ASTN2: variants seen among roughly 807,000 people sequenced by gnomAD.
The protein encoded by ASTN2 is astrotactin-2.
ASTN2 carries 54 observed loss-of-function variants against 139.8 expected under a neutral mutation model. The observed-to-expected ratio is 0.39, with a 90% CI of 0.31 to 0.48. The LOEUF (loss-of-function observed/expected upper bound fraction) is 0.48, where lower values mean the gene tolerates loss of function less well. Among genes scored for constraint, ASTN2 ranks in the 20% least tolerant of loss-of-function variants. ASTN2 has a pLI of 0.95. For missense variants in ASTN2, 1,565 were observed against 1,725.1 expected, an observed-to-expected ratio of 0.91 and a Z score of 1.64; for synonymous variants, 756 against 719.5, an observed-to-expected ratio of 1.05 and a Z score of -0.81.
At position 116,425,437 on chromosome 9, in the gene ASTN2, T is replaced by C; in HGVS notation, c.*414A>G. On this transcript the variant is annotated 3_prime_UTR_variant, in exon 23 of 23. Transcript: ENST00000313400. ...AGGTCAAAACTGTCTCCTCTAGGGGTCAGGTCAAAACTGTCCCTCCATAGG... is the reference window on the plus strand; with the variant it reads ...AGGTCAAAACTGTCTCCTCTAGGGGCCAGGTCAAAACTGTCCCTCCATAGG... 1.2e-6 allele frequency: 1 copy of C among 843,110 alleles called. No homozygotes were observed. Among genetic ancestry groups the C allele is most frequent in the Admixed American group, 2.7e-5 (1 of 37,318 alleles). The allele number at this position is 843,110 out of a possible 1,614,324, so 52.2% of individuals were successfully genotyped here. A position where few individuals can be genotyped will look rare whatever the true frequency, so the allele number is the denominator to read the frequency against.
At chr9:116,613,841 C>T (rs1855686966) in intron 19 of ASTN2, among the ~76,000 whole-genome samples, 1 of 152,164 alleles carries the variant, frequency 6.6e-6, no homozygotes, top group South Asian at 2.1e-4. Context: ...TCTCTCACCA[C>T]TCCTATTCAA....
At chr9:117,107,020 G>T (rs1054793482) in intron 4 of ASTN2, among the ~76,000 whole-genome samples, 2 of 152,020 alleles carry the variant, frequency 1.3e-5, no homozygotes, top group African/African-American at 4.8e-5. Context: ...TGAATATTGA[G>T]ATATTCTTCT....
chr9:116,678,379 G>T (rs528465969), intron 16 of ASTN2, among the ~76,000 whole-genome samples: 14 of 152,198 alleles, frequency 9.2e-5, no homozygotes, highest in African/African-American at 2.6e-4. Flanking sequence ...TACTTATCAG[G>T]TTTTTCACTA....
intron 2 of ASTN2, among the ~76,000 whole-genome samples, chr9:117,223,843 T>C (rs1832612166): frequency 6.6e-6 from 1 of 152,196 alleles, no homozygotes; most frequent in Non-Finnish European, 1.5e-5. Context: ...GTGACCTATT[T>C]AAGAAGTCCC....
chr9:116,725,390 C>A (rs1208022998), intron 16 of ASTN2, among the ~76,000 whole-genome samples: 2 of 151,790 alleles, frequency 1.3e-5, no homozygotes, highest in Non-Finnish European at 2.9e-5. Context: ...TTCTTGGGTT[C>A]TCCCAAGAAG....
intron 13 of ASTN2, among the ~76,000 whole-genome samples, chr9:116,740,922 C>T: frequency 6.6e-6 from 1 of 151,214 alleles, no homozygotes; most frequent in Non-Finnish European, 1.5e-5. Context: ...CTGTATATGC[C>T]CCTGAGCATT....
chr9:116,709,655 A>G (rs1011996040), intron 16 of ASTN2, among the ~76,000 whole-genome samples: 2 of 152,076 alleles, frequency 1.3e-5, no homozygotes, highest in African/African-American at 4.8e-5. Flanking sequence ...CTCTTGCCTC[A>G]TATATATATA....
At chr9:116,757,374 G>C (rs976426649) in intron 13 of ASTN2, among the ~76,000 whole-genome samples, 2 of 152,164 alleles carry the variant, frequency 1.3e-5, no homozygotes, top group Non-Finnish European at 2.9e-5. Flanking sequence ...GACATGAGAA[G>C]TTCCTGGCCC....
At chr9:116,440,262 T>C (rs1032254396) in intron 22 of ASTN2, among the ~76,000 whole-genome samples, 1 of 152,180 alleles carries the variant, frequency 6.6e-6, no homozygotes, top group African/African-American at 2.4e-5. Context: ...TTATGGGTCA[T>C]GGCCCCACTG....
chr9:117,049,828 A>G lies in ASTN2; in HGVS notation c.1277-9863T>C, dbSNP rs12006157. ...CAGGAGGCTAAAGACTATTCAACGT[A>G]TATTTAGCAGGCTGACGAAATGCAT... On this transcript the variant is annotated intron_variant, in intron 5 of 22. Transcript: ENST00000313400. Among the ~76,000 whole-genome samples, 470 of 152,342 alleles carry G rather than the reference A, an allele frequency of 3.1e-3. 2 individuals are homozygous for G. The highest frequency in any genetic ancestry group is 0.011 in the African/African-American group (439 of 41,576).
At chr9:117,044,689 G>A (rs1315224900) in intron 5 of ASTN2, among the ~76,000 whole-genome samples, 1 of 152,220 alleles carries the variant, frequency 6.6e-6, no homozygotes, top group East Asian at 1.9e-4. Context: ...CTATGATCCA[G>A]GCACTGTGCC....
At chr9:116,526,800 C>G (rs1037969783) in intron 19 of ASTN2, among the ~76,000 whole-genome samples, 2 of 152,138 alleles carry the variant, frequency 1.3e-5, no homozygotes, top group Non-Finnish European at 2.9e-5. Flanking sequence ...CCTAGATGCT[C>G]AGATCCAATT....
At chr9:116,836,779 T>C (rs887446409) in intron 11 of ASTN2, among the ~76,000 whole-genome samples, 1 of 152,106 alleles carries the variant, frequency 6.6e-6, no homozygotes, top group Non-Finnish European at 1.5e-5. Context: ...ATGCTTGTTT[T>C]ATATAGGACA....
At chr9:116,599,809 C>G (rs1854778848) in intron 19 of ASTN2, among the ~76,000 whole-genome samples, 2 of 152,138 alleles carry the variant, frequency 1.3e-5, no homozygotes, top group South Asian at 4.1e-4. Flanking sequence ...TTCCACCTCC[C>G]CATGTCAGAT....
At chr9:116,880,336 G>T (rs1833421392) in intron 10 of ASTN2, among the ~76,000 whole-genome samples, 1 of 152,096 alleles carries the variant, frequency 6.6e-6, no homozygotes, top group South Asian at 2.1e-4. Flanking sequence ...CACTTTATTG[G>T]AAAAAGCTTT....
At chr9:116,734,468 C>A (rs576909424) in intron 13 of ASTN2, among the ~76,000 whole-genome samples, 1 of 152,204 alleles carries the variant, frequency 6.6e-6, no homozygotes, top group African/African-American at 2.4e-5. Context: ...AGCCAGTTGG[C>A]ACGGATGGTA....
chr9:116,744,214 G>A (rs1829174722), intron 13 of ASTN2, among the ~76,000 whole-genome samples: 1 of 152,106 alleles, frequency 6.6e-6, no homozygotes, highest in South Asian at 2.1e-4. Context: ...TAAAACACAT[G>A]GCATGTTCTG....
chr9:116,863,488 T>G, intron 11 of ASTN2, 95 bp downstream of exon 11: 1 of 1,498,914 alleles, frequency 6.7e-7, no homozygotes, highest in Non-Finnish European at 9.0e-7. Context: ...GTGGATATGA[T>G]CCTCCTTACC....
chr9:116,646,101 T>G (rs1249349766), intron 17 of ASTN2, among the ~76,000 whole-genome samples: 2 of 152,176 alleles, frequency 1.3e-5, no homozygotes, highest in East Asian at 3.9e-4. Context: ...AAGACACCAT[T>G]CAGCATCACA....
Sources: allele counts gnomAD v4.1 joint callset (sites outside exome capture counted in the v4.1 genomes callset), GRCh38; gene constraint gnomAD v4.1.1; transcripts MANE v1.5; gene names NCBI Gene and HGNC (gene_info 2026-07-23, HGNC 2026-07-21).